Variants in TREML1 observed in about 807,000 individuals in gnomAD.
The protein encoded by TREML1 is triggering receptor expressed on myeloid cells like 1.
Under a neutral mutation model 22.8 loss-of-function variants are expected in TREML1, and 27 were observed. The observed-to-expected ratio is 1.19, with a 90% CI of 0.87 to 1.64. TREML1 has a LOEUF of 1.64. Among genes scored for constraint, TREML1 ranks in the 40% most tolerant of loss-of-function variants. The pLI, the probability that TREML1 is intolerant of heterozygous loss-of-function variation, is 0.00. For missense variants in TREML1, 356 were observed against 382.0 expected, an observed-to-expected ratio of 0.93 and a Z score of 0.57; for synonymous variants, 153 against 161.9, an observed-to-expected ratio of 0.94 and a Z score of 0.42.
At chr6:41,153,662 A>C in intron 2 of TREML1, 96 bp downstream of exon 2, 1 of 1,288,930 alleles carries the variant, frequency 7.8e-7, no homozygotes, top group East Asian at 2.3e-5. Flanking sequence ...CCTCCTCCCC[A>C]GGGGCCCCCA....
In TREML1 at chr6:41,149,492, T is replaced by C; in HGVS notation, c.*112A>G. On this transcript the variant is annotated 3_prime_UTR_variant, in exon 6 of 6. Transcript: ENST00000426005. ...TAAAGTTAGGACATTGGATTAGATCTTAAAGTCCCTGGTTGCTCAGATATC... is the reference window on the plus strand; with the variant it reads ...TAAAGTTAGGACATTGGATTAGATCCTAAAGTCCCTGGTTGCTCAGATATC... 8.4e-7 allele frequency: 1 copy of C among 1,193,900 alleles called. No homozygotes were observed. The highest frequency in any genetic ancestry group is 1.2e-6 in the Non-Finnish European group (1 of 842,684). The allele number at this position is 1,193,900 out of a possible 1,614,324, so 74.0% of individuals were successfully genotyped here.
At chr6:41,152,210 A>G (rs922487455) in intron 2 of TREML1, among the ~76,000 whole-genome samples, 3 of 152,130 alleles carry the variant, frequency 2.0e-5, no homozygotes, top group East Asian at 1.9e-4. Context: ...CCTGGTGCCT[A>G]TTAGGCTGCC....
rs201565463 is a variant in TREML1 at position 41,154,261 on chromosome 6, G to A, written c.28C>T (p.Leu10Phe). 1.5e-5 allele frequency: 24 copies of A among 1,614,066 alleles called. No homozygotes were observed. Among genetic ancestry groups the A allele is most frequent in the East Asian group, 6.7e-5 (3 of 44,872 alleles). The change falls in exon 1 of 6, where the codon CTC (leucine) becomes TTC (phenylalanine). Residue 10 changes from leucine to phenylalanine, a missense_variant. Leu to Phe is a conservative substitution (Grantham distance 22). Coordinates refer to ENST00000426005, the MANE Select transcript of TREML1 (RefSeq NM_178174.4). ...TGAACCTTACCTTCTAGTCCCAGGA[G>A]CAGCAGCAAGAGCAGGGTGAGGCCC... Reference protein sequence around the residue: MGLTLLLLLLLGLEGQGIVG... With the variant: MGLTLLLLLFLGLEGQGIVG...
Position 41,149,376 on chromosome 6 carries a change from T to G in TREML1, c.*228A>C. 1.9e-6 allele frequency: 1 copy of G among 517,878 alleles called. No individual in the cohort carries two copies. The highest frequency in any genetic ancestry group is 3.4e-6 in the Non-Finnish European group (1 of 290,844). The allele number at this position is 517,878 out of a possible 1,614,324, so 32.1% of individuals were successfully genotyped here. A position where few individuals can be genotyped will look rare whatever the true frequency, so the allele number is the denominator to read the frequency against. On this transcript the variant is annotated 3_prime_UTR_variant, in exon 6 of 6. Coordinates refer to ENST00000426005, the MANE Select transcript of TREML1 (RefSeq NM_178174.4). ...CATTATTAGGGTTTATTTAGCCCAG[T>G]GTGTAATGGTAGAAGAACCAGTGGG...
At chr6:41,154,616 T>A (rs1173136921), upstream of TREML1, among the ~76,000 whole-genome samples, 3 of 152,130 alleles carry the variant, frequency 2.0e-5, no homozygotes, top group African/African-American at 7.2e-5. Context: ...ATCTTCAGGA[T>A]CTTCCTAATA....
chr6:41,150,001 C>G, intron 5 of TREML1, 83 bp from the exon 6 acceptor site: 1 of 1,354,952 alleles, frequency 7.4e-7, no homozygotes, highest in Non-Finnish European at 1.0e-6. Flanking sequence ...CACACTAGAT[C>G]TATCTCTTGA....
intron 3 of TREML1, 50 bp from the exon 4 acceptor site, chr6:41,150,957 G>T: frequency 6.5e-7 from 1 of 1,533,420 alleles, no homozygotes; most frequent in East Asian, 2.3e-5. Context: ...CCTGTGGGGA[G>T]CTGCTGGCCA....
upstream of TREML1, chr6:41,154,375 G>A (rs1582071780): frequency 8.7e-7 from 1 of 1,143,672 alleles, no homozygotes; most frequent in East Asian, 2.4e-5. Context: ...GCCTCAGAAA[G>A]TCACTTGGGG....
rs2113864428 is a variant in TREML1, at chr6:41,149,579, A to G, written c.*25T>C. The G allele has an allele frequency of 1.3e-6, 2 of 1,588,526 alleles. No individual in the cohort carries two copies. The highest frequency in any genetic ancestry group is 1.3e-5 in the African/African-American group (1 of 74,706). On this transcript the variant is annotated 3_prime_UTR_variant, in exon 6 of 6. Transcript: ENST00000426005. ...CACAGAACCCCTAGGGATGGTCCTCATGAGTTTAAAGTGTGATGAGCAGCT... is the reference window on the plus strand; with the variant it reads ...CACAGAACCCCTAGGGATGGTCCTCGTGAGTTTAAAGTGTGATGAGCAGCT...
chr6:41,152,054 G>A (rs1352404765), intron 2 of TREML1, among the ~76,000 whole-genome samples: 2 of 152,164 alleles, frequency 1.3e-5, no homozygotes, highest in African/African-American at 4.8e-5. Flanking sequence ...GTTTCTCTGG[G>A]CCTGGAGACT....
In TREML1 at chr6:41,149,705, C is replaced by G; in HGVS notation, c.835G>C (p.Val279Leu). The G allele has an allele frequency of 6.2e-7, 1 of 1,614,218 alleles. No homozygotes were observed. The highest frequency in any genetic ancestry group is 8.5e-7 in the Non-Finnish European group (1 of 1,180,036). Residue 279 changes from valine (V) to leucine (L), a missense_variant, in exon 6 of 6, where the codon GTG becomes CTG. Coordinates refer to ENST00000426005, the MANE Select transcript of TREML1 (RefSeq NM_178174.4). ...PPKVLVCSKP[V>L]TYATVIFPGG... is the part of the protein sequence containing the mutation. ...GGGAAGATTACTGTGGCATATGTCA[C>G]AGGCTTGGAGCAGACCAGGACCTTA... is the stretch of plus-strand genomic sequence containing the variant.
At chr6:41,154,150 C>T in intron 1 of TREML1, 60 bp from the exon 2 acceptor site, 2 of 1,590,412 alleles carry the variant, frequency 1.3e-6, no homozygotes, top group South Asian at 2.3e-5. Context: ...CCCAGCCCAG[C>T]TGCTGGTATG....
intron 4 of TREML1, 47 bp from the exon 5 acceptor site, chr6:41,150,360 C>T (rs780341938): frequency 3.1e-6 from 5 of 1,592,548 alleles, no homozygotes; most frequent in South Asian, 1.1e-5. Context: ...GGGGCTGGCT[C>T]AGAGCCCTTC....
intron 4 of TREML1, 60 bp downstream of exon 4, chr6:41,150,759 G>T: frequency 6.7e-7 from 1 of 1,501,220 alleles, no homozygotes; most frequent in Non-Finnish European, 9.3e-7. Context: ...GGCCTCATCT[G>T]CACAACTGGT....
chr6:41,154,081 A>G lies in TREML1; in HGVS notation c.53T>C (p.Ile18Thr), dbSNP rs1384198061. Residue 18 changes from isoleucine (I) to threonine (T), a missense_variant, in exon 2 of 6, where the codon ATA (isoleucine) becomes ACA (threonine). Coordinates refer to ENST00000426005, the MANE Select transcript of TREML1 (RefSeq NM_178174.4). ...LLLLGLEGQGIVGSLPEVLQA... is the reference protein window; with the variant it reads ...LLLLGLEGQGTVGSLPEVLQA... Reference sequence around the variant, plus strand: ...CAGCACCTCAGGGAGGCTGCCAACTATGCCCTGACCTGGGGAAGGAAAGGA... The same window carrying G: ...CAGCACCTCAGGGAGGCTGCCAACTGTGCCCTGACCTGGGGAAGGAAAGGA... 2 of 1,611,778 alleles carry G rather than the reference A, an allele frequency of 1.2e-6. No homozygotes were observed. Among genetic ancestry groups the G allele is most frequent in the African/African-American group, 2.7e-5 (2 of 74,858 alleles).
rs200459385 is a variant in TREML1, at chr6:41,153,915, C to A, written c.219G>T (p.Ala73=). 1 of 1,614,162 alleles carries A rather than the reference C, an allele frequency of 6.2e-7. No homozygotes were observed. Among genetic ancestry groups the A allele is most frequent in the South Asian group, 1.1e-5 (1 of 91,084 alleles). ...VSSAVDRRAP[A]GRRTFLTDLG... ...GGTCTGTGAGAAACGTACGCCTGCC[C>A]GCTGGAGCTCTGCGATCCACAGCTG... is the stretch of plus-strand genomic sequence containing the variant. The change falls in exon 2 of 6, where the codon GCG becomes GCT. Residue 73 remains alanine (A), a synonymous_variant. Transcript: ENST00000426005.
chr6:41,154,028 C>T lies in TREML1; in HGVS notation c.106G>A (p.Val36Met). ...LQAPVGSSIL[V>M]QCHYRLQDVK... is the part of the protein sequence containing the mutation. ...TCCTGGAGCCTGTAGTGGCACTGCA[C>T]CAGAATGGAGCTTCCCACGGGTGCC... Residue 36 changes from valine to methionine, a missense_variant, in exon 2 of 6, where the codon GTG becomes ATG. Physicochemically the swap from Val to Met is conservative, Grantham distance 21 (BLOSUM62 1). Transcript: ENST00000426005. The T allele has an allele frequency of 6.2e-7, 1 of 1,614,124 alleles. No individual in the cohort carries two copies. The highest frequency in any genetic ancestry group is 8.5e-7 in the Non-Finnish European group (1 of 1,180,028).
intron 3 of TREML1, 120 bp downstream of exon 3, chr6:41,151,162 G>T: frequency 1.1e-6 from 1 of 907,530 alleles, no homozygotes; most frequent in Non-Finnish European, 1.8e-6. Context: ...CTGTCCAGAA[G>T]TTCCCCAGAG....
intron 3 of TREML1, 125 bp downstream of exon 3, chr6:41,151,157 C>T: frequency 1.1e-6 from 1 of 872,096 alleles, no homozygotes; most frequent in Non-Finnish European, 1.9e-6. Context: ...TCTGTCTGTC[C>T]AGAAGTTCCC....
Sources: gnomAD v4.1 joint callset for allele counts (sites outside exome capture counted in the v4.1 genomes callset) on GRCh38, gnomAD v4.1.1 for gene constraint, MANE v1.5 for transcripts, NCBI Gene and HGNC (gene_info 2026-07-23, HGNC 2026-07-21) for gene names.